Variants in MSRA observed in about 807,000 individuals in gnomAD.
MSRA encodes the protein mitochondrial peptide methionine sulfoxide reductase.
Under a neutral mutation model 31.3 loss-of-function variants are expected in MSRA, and 54 were observed. The ratio of observed to expected loss-of-function variants is 1.73; its 90% CI spans 1.39 to 2.17. MSRA has a LOEUF of 2.17. Ranked by LOEUF, MSRA falls within the 30% of genes most tolerant of loss-of-function variation. MSRA has a pLI of 0.00. For synonymous variants in MSRA, 169 were observed against 116.5 expected, an observed-to-expected ratio of 1.45 and a Z score of -2.90; for missense variants, 507 against 300.9, an observed-to-expected ratio of 1.69 and a Z score of -5.07.
intron 1 of MSRA, among the ~76,000 whole-genome samples, chr8:10,078,993 T>G (rs1798141334): frequency 1.3e-5 from 2 of 152,176 alleles, no homozygotes; most frequent in African/African-American, 4.8e-5. Flanking sequence ...GCCGCAGGCG[T>G]GCTGGACATT....
chr8:10,414,430 C>T (rs563215721), intron 5 of MSRA, among the ~76,000 whole-genome samples: 56 of 152,202 alleles, frequency 3.7e-4, no homozygotes, highest in Non-Finnish European at 6.9e-4. Context: ...GTCGGTGTGA[C>T]CCACCATCTC....
intron 5 of MSRA, among the ~76,000 whole-genome samples, chr8:10,385,869 C>A (rs1024030764): frequency 1.3e-5 from 2 of 151,920 alleles, no homozygotes; most frequent in Admixed American, 6.6e-5. Flanking sequence ...GTGGAGAGAG[C>A]CCAGGAAGAG....
intron 1 of MSRA, among the ~76,000 whole-genome samples, chr8:10,161,843 TG>T (rs1437914575): frequency 6.6e-6 from 1 of 151,934 alleles, no homozygotes; most frequent in Non-Finnish European, 1.5e-5. Context: ...CTGATAACCA[TG>T]GGCCCTGGGC....
At chr8:10,299,693 T>C (rs1181306183) in intron 3 of MSRA, among the ~76,000 whole-genome samples, 1 of 152,142 alleles carries the variant, frequency 6.6e-6, no homozygotes, top group Non-Finnish European at 1.5e-5. Flanking sequence ...AATAAAACAA[T>C]AGAATCCTAT....
chr8:10,318,997 C>A (rs924830227), intron 4 of MSRA, among the ~76,000 whole-genome samples: 1 of 152,198 alleles, frequency 6.6e-6, no homozygotes, highest in Non-Finnish European at 1.5e-5. Context: ...AGACAAGTCA[C>A]TTCCTTGATC....
intron 2 of MSRA, among the ~76,000 whole-genome samples, chr8:10,221,476 T>A (rs2129067702): frequency 6.6e-6 from 1 of 151,908 alleles, no homozygotes; most frequent in Non-Finnish European, 1.5e-5. Flanking sequence ...CACTTAACTC[T>A]GAGATGAGAA....
intron 1 of MSRA, among the ~76,000 whole-genome samples, chr8:10,098,520 T>C (rs1295907735): frequency 6.6e-6 from 1 of 152,156 alleles, no homozygotes; most frequent in Non-Finnish European, 1.5e-5. Flanking sequence ...GATAAAGTTA[T>C]TTTGGGTAAC....
intron 3 of MSRA, among the ~76,000 whole-genome samples, chr8:10,282,351 A>G (rs1022647389): frequency 4.1e-4 from 63 of 152,346 alleles, no homozygotes; most frequent in African/African-American, 1.4e-3. Flanking sequence ...ATTTTCATCA[A>G]GCTATTTTGA....
intron 1 of MSRA, among the ~76,000 whole-genome samples, chr8:10,132,282 C>T (rs981782098): frequency 6.6e-6 from 1 of 152,182 alleles, no homozygotes; most frequent in Admixed American, 6.5e-5. Flanking sequence ...ATGTTAGATT[C>T]TTGCTCCACT....
intron 1 of MSRA, among the ~76,000 whole-genome samples, chr8:10,098,071 A>AT (rs1048202978): frequency 7.9e-5 from 12 of 152,224 alleles, no homozygotes; most frequent in African/African-American, 2.6e-4. Context: ...CGTTGATTAC[A>AT]TTTTTTTAAA....
rs543775410 is a variant in MSRA, at chr8:10,062,628, G to A, written c.142+7970G>A. Among the ~76,000 whole-genome samples, 12 of 152,274 alleles carry A rather than the reference G, an allele frequency of 7.9e-5. No individual in the cohort carries two copies. In the South Asian group the frequency reaches 2.3e-3, roughly 29 times the overall value. On this transcript the variant is annotated intron_variant, in intron 1 of 5. Transcript: ENST00000317173. ...ATGTTATGTATTATGGCACATAATC[G>A]GTAAGTCCATAACTGTTGGAGTAAT...
chr8:10,161,631 A>G (rs918873862), intron 1 of MSRA, among the ~76,000 whole-genome samples: 2 of 152,176 alleles, frequency 1.3e-5, no homozygotes, highest in Non-Finnish European at 2.9e-5. Flanking sequence ...CTTTTTGGTA[A>G]GAAGAGGCGG....
chr8:10,311,561 CT>C (rs1206821851), intron 4 of MSRA, among the ~76,000 whole-genome samples: 1 of 151,492 alleles, frequency 6.6e-6, no homozygotes, highest in African/African-American at 2.4e-5. Context: ...AATCATGTAG[CT>C]TTTTTTTTCT....
chr8:10,317,987 G>C (rs1338405073), intron 4 of MSRA, among the ~76,000 whole-genome samples: 1 of 152,148 alleles, frequency 6.6e-6, no homozygotes, highest in Non-Finnish European at 1.5e-5. Flanking sequence ...CCCCTTGTCA[G>C]ACCTTGTCCT....
At chr8:10,269,910 C>G (rs1798941135) in intron 3 of MSRA, among the ~76,000 whole-genome samples, 1 of 152,052 alleles carries the variant, frequency 6.6e-6, no homozygotes, top group Non-Finnish European at 1.5e-5. Flanking sequence ...CTCAGCCTCC[C>G]AAAGTGCTGG....
intron 3 of MSRA, among the ~76,000 whole-genome samples, chr8:10,280,458 A>C (rs926348406): frequency 1.1e-4 from 17 of 152,164 alleles, no homozygotes; most frequent in African/African-American, 4.1e-4. Context: ...TAACATTGTA[A>C]TTGTGATTTT....
At chr8:10,136,513 C>T (rs998603214) in intron 1 of MSRA, among the ~76,000 whole-genome samples, 3 of 152,330 alleles carry the variant, frequency 2.0e-5, no homozygotes, top group South Asian at 4.1e-4. Context: ...CGTATGGAAT[C>T]ATATGTCTTG....
chr8:10,391,003 G>T (rs1007335968), intron 5 of MSRA, among the ~76,000 whole-genome samples: 3 of 150,866 alleles, frequency 2.0e-5, no homozygotes, highest in Non-Finnish European at 3.0e-5. Context: ...ACAGCACAAG[G>T]TGCTGTGCTC....
chr8:10,134,574 G>A (rs892059285), intron 1 of MSRA, among the ~76,000 whole-genome samples: 3 of 152,336 alleles, frequency 2.0e-5, no homozygotes, highest in Non-Finnish European at 4.4e-5. Flanking sequence ...GATTCATCCT[G>A]CGGCACAGGC....
Sources: gnomAD v4.1 joint callset for allele counts (sites outside exome capture counted in the v4.1 genomes callset) on GRCh38, gnomAD v4.1.1 for gene constraint, MANE v1.5 for transcripts, NCBI Gene and HGNC (gene_info 2026-07-23, HGNC 2026-07-21) for gene names.